GLIS3: variants seen among roughly 807,000 people sequenced by gnomAD.
GLIS3 encodes GLIS family zinc finger 3.
In GLIS3, 53 loss-of-function variants were observed where a neutral mutation model predicts 78.6. The observed-to-expected ratio is 0.67, with a 90% CI of 0.54 to 0.85. The LOEUF is 0.85. GLIS3 is among the 40% of genes least tolerant of loss of function. The pLI is 0.00. For missense variants in GLIS3, 1,703 were observed against 1,231.1 expected, an observed-to-expected ratio of 1.38 and a Z score of -5.74; for synonymous variants, 684 against 509.9, an observed-to-expected ratio of 1.34 and a Z score of -4.60.
chr9:4,202,152 C>CTTTT lies in GLIS3; in HGVS notation c.389-76215_389-76212dup, dbSNP rs71324286. On this transcript the variant is annotated intron_variant, in intron 2 of 10. Transcript: ENST00000381971. Reference sequence around the variant, plus strand: ...GACTCTTTTTTTTCTCCCCCTTTTTCTTTTTTTTTTTTTTTTGAGACGGAG... The same window carrying CTTTT: ...GACTCTTTTTTTTCTCCCCCTTTTTCTTTTTTTTTTTTTTTTTTTTGAGACGGAG... 9.0e-4 allele frequency among the ~76,000 whole-genome samples: 113 copies of CTTTT among 125,404 alleles called. 2 individuals are homozygous for CTTTT. Among genetic ancestry groups the CTTTT allele is most frequent in the South Asian group, 2.6e-3 (10 of 3,914 alleles). 82.3% of individuals were successfully genotyped at this position (125,404 alleles called of 152,430 possible).
At chr9:4,412,653 A>T in the GLIS3 span, among the ~76,000 whole-genome samples, 1 of 152,180 alleles carries the variant, frequency 6.6e-6, no homozygotes, top group Non-Finnish European at 1.5e-5. Flanking sequence ...AAAAAGCACA[A>T]ATGTGGTAGA....
chr9:4,039,139 A>G (rs1218163106), intron 4 of GLIS3, among the ~76,000 whole-genome samples: 3 of 152,292 alleles, frequency 2.0e-5, no homozygotes, highest in Non-Finnish European at 4.4e-5. Flanking sequence ...GACTCTTTTC[A>G]CACCTAGGGT....
chr9:4,159,584 T>C (rs5027096), intron 2 of GLIS3, among the ~76,000 whole-genome samples: 32,885 of 152,030 alleles, frequency 0.22, 4,370 homozygotes, highest in South Asian at 0.36. Flanking sequence ...CTGGGCATGG[T>C]GGCACATGCC....
chr9:4,338,777 T>C (rs1006977019), intron 2 of GLIS3, among the ~76,000 whole-genome samples: 1 of 152,152 alleles, frequency 6.6e-6, no homozygotes, highest in Non-Finnish European at 1.5e-5. Context: ...TATAGCCTCA[T>C]ATTGTATCAC....
chr9:4,283,640 T>C (rs1827749231), intron 2 of GLIS3, among the ~76,000 whole-genome samples: 1 of 152,248 alleles, frequency 6.6e-6, no homozygotes, highest in African/African-American at 2.4e-5. Context: ...CTATGCTTTA[T>C]TGGCTATTGC....
chr9:4,425,041 T>C, the GLIS3 span, among the ~76,000 whole-genome samples: 5 of 152,066 alleles, frequency 3.3e-5, no homozygotes, highest in African/African-American at 1.2e-4. Flanking sequence ...TGTGCTGGCA[T>C]ATGAACACAA....
chr9:4,196,968 G>A (rs752791845), intron 2 of GLIS3, among the ~76,000 whole-genome samples: 1 of 152,120 alleles, frequency 6.6e-6, no homozygotes, highest in Non-Finnish European at 1.5e-5. Flanking sequence ...GGCACTTGGA[G>A]CATCTGCTTG....
At chr9:4,470,046 T>C in the GLIS3 span, among the ~76,000 whole-genome samples, 90 of 152,218 alleles carry the variant, frequency 5.9e-4, no homozygotes, top group African/African-American at 2.0e-3. Context: ...CTGCCAAGAC[T>C]AAAACAGAAA....
At chr9:3,843,936 G>C (rs951297362) in intron 9 of GLIS3, among the ~76,000 whole-genome samples, 1 of 152,168 alleles carries the variant, frequency 6.6e-6, no homozygotes, top group Non-Finnish European at 1.5e-5. Flanking sequence ...TATTTCAATA[G>C]ACTTACATCT....
intron 4 of GLIS3, among the ~76,000 whole-genome samples, chr9:4,109,248 A>C (rs911579738): frequency 7.2e-5 from 11 of 152,290 alleles, no homozygotes; most frequent in Admixed American, 2.0e-4. Context: ...ACAGTACAAT[A>C]CTTCACTCTC....
chr9:3,849,165 A>T (rs1347480082), intron 9 of GLIS3, among the ~76,000 whole-genome samples: 4 of 152,232 alleles, frequency 2.6e-5, no homozygotes, highest in Non-Finnish European at 5.9e-5. Context: ...AGTGGAAAGT[A>T]CGGAAACCTA....
At chr9:3,845,170 T>A (rs1461701918) in intron 9 of GLIS3, among the ~76,000 whole-genome samples, 1 of 152,102 alleles carries the variant, frequency 6.6e-6, no homozygotes, top group Non-Finnish European at 1.5e-5. Flanking sequence ...AAAAAAATGT[T>A]CATCAATAAG....
intron 4 of GLIS3, among the ~76,000 whole-genome samples, chr9:3,965,869 A>T (rs905825230): frequency 2.0e-5 from 3 of 152,252 alleles, no homozygotes; most frequent in Non-Finnish European, 2.9e-5. Context: ...GGTAACAGAT[A>T]CACTACAACC....
chr9:4,366,912 G>C, the GLIS3 span, among the ~76,000 whole-genome samples: 1 of 152,204 alleles, frequency 6.6e-6, no homozygotes, highest in African/African-American at 2.4e-5. Context: ...AAGACCACTA[G>C]CTCCCTCTTG....
the GLIS3 span, among the ~76,000 whole-genome samples, chr9:4,457,006 A>T: frequency 6.6e-6 from 1 of 152,172 alleles, no homozygotes; most frequent in Non-Finnish European, 1.5e-5. Flanking sequence ...ACATGCTGTT[A>T]AAAAAATGAC....
intron 2 of GLIS3, among the ~76,000 whole-genome samples, chr9:4,230,177 T>G (rs1289959723): frequency 6.6e-6 from 1 of 152,238 alleles, no homozygotes; most frequent in African/African-American, 2.4e-5. Context: ...TATTTTATAT[T>G]GAAAATTTAA....
At position 4,257,146 on chromosome 9, in the gene GLIS3, G is replaced by C. The variant is rs192155173; in HGVS notation, c.388+28892C>G. On this transcript the variant is annotated intron_variant, in intron 2 of 10. Transcript: ENST00000381971. ...ATTTGTCTGTTGATGTGTACATATG[G>C]AGTATTATTAAGCCTTTAAAAGAAA... Among the ~76,000 whole-genome samples the C allele has an allele frequency of 4.6e-5, 7 of 152,222 alleles. No individual in the cohort carries two copies. In the East Asian group the frequency reaches 9.6e-4, roughly 21 times the overall value.
upstream of GLIS3, among the ~76,000 whole-genome samples, chr9:4,304,001 A>C (rs1437203981): frequency 2.0e-5 from 3 of 152,270 alleles, no homozygotes; most frequent in African/African-American, 7.2e-5. Context: ...CTTAATGACC[A>C]TAACTTACTT....
the GLIS3 span, among the ~76,000 whole-genome samples, chr9:4,467,254 G>A: frequency 4.6e-3 from 697 of 152,276 alleles, 4 homozygotes; most frequent in African/African-American, 0.016. Context: ...AGACTTAAAC[G>A]TCCCTGTCTG....
Sources: allele counts gnomAD v4.1 joint callset (sites outside exome capture counted in the v4.1 genomes callset), GRCh38; gene constraint gnomAD v4.1.1; transcripts MANE v1.5; gene names NCBI Gene and HGNC (gene_info 2026-07-23, HGNC 2026-07-21).